The following KMT2C variants were observed in gnomAD, a reference collection of about 807,000 sequenced individuals.
The protein encoded by KMT2C is histone-lysine N-methyltransferase 2C.
Under a neutral mutation model 507.9 loss-of-function variants are expected in KMT2C, and 88 were observed. That is an observed-to-expected ratio of 0.17 (90% CI 0.15 to 0.21). The LOEUF is 0.21. Ranked by LOEUF, KMT2C falls within the 10% of genes least tolerant of loss-of-function variation. KMT2C has a pLI of 1.00. For missense variants in KMT2C, 4,954 were observed against 5,957.8 expected (o/e 0.83, Z 5.55); for synonymous variants, 2,049 against 2,080.8 (o/e 0.98, Z 0.42).
At chr7:152,339,497 G>T (rs537986951) in intron 2 of KMT2C, among the ~76,000 whole-genome samples, 1 of 152,300 alleles carries the variant, frequency 6.6e-6, no homozygotes, top group East Asian at 1.9e-4. Flanking sequence ...GAATTAAAAA[G>T]ATGTTATAAG....
chr7:152,398,891 A>T (rs1212159005), intron 1 of KMT2C, among the ~76,000 whole-genome samples: 12 of 152,138 alleles, frequency 7.9e-5, no homozygotes, highest in Admixed American at 1.3e-4. Flanking sequence ...GCAACAGCAC[A>T]ATCTTGACTC....
At position 152,250,880 on chromosome 7, in the gene KMT2C, C is replaced by G. The variant is rs1205516959; in HGVS notation, c.1708G>C (p.Glu570Gln). 6.2e-7 allele frequency: 1 copy of G among 1,604,448 alleles called. No individual in the cohort carries two copies. Among genetic ancestry groups the G allele is most frequent in the Admixed American group, 1.7e-5 (1 of 59,926 alleles). Residue 570 changes from glutamate (E) to glutamine (Q), a missense_variant, in exon 12 of 59, where the codon GAG becomes CAG. By Grantham distance (29) the Glu-to-Gln change is conservative. Transcript: ENST00000262189. ...QAANKDVNGQ[E>Q]STPGIVPDAV... ...TCTGGAACAATTCCAGGAGTGGACT[C>G]CTGACCGTTGACATCTTTATTAGCT...
chr7:152,163,600 G>C lies in KMT2C; in HGVS notation c.9977C>G (p.Pro3326Arg). The change falls in exon 43 of 59, where the codon CCT (proline) becomes CGT (arginine). Residue 3326 changes from proline to arginine, a missense_variant. Physicochemically the swap from Pro to Arg is moderately radical, Grantham distance 103. This residue lies in a region of KMT2C where 801 missense variants were observed against 751.2 expected (regional missense o/e 1.07). Transcript: ENST00000262189. The stretch of plus-strand genomic sequence containing the variant: ...TCCAGGTAAACTGGGCATTCTAACA[G>C]GGCTAGTATGGCCAGAAATAACTGT... ...HTTVISGHTS[P>R]VRMPSLPGWQ... The C allele has an allele frequency of 6.2e-7, 1 of 1,606,058 alleles. No homozygotes were observed. The highest frequency in any genetic ancestry group is 8.5e-7 in the Non-Finnish European group (1 of 1,175,328).
chr7:152,255,136 T>TACAC (rs1215882463), intron 9 of KMT2C, among the ~76,000 whole-genome samples: 4 of 124,114 alleles, frequency 3.2e-5, no homozygotes, highest in African/African-American at 1.4e-4. Context: ...TATATATATA[T>TACAC]ATATATATAC....
At chr7:152,320,810 A>G (rs1433809613) in intron 3 of KMT2C, among the ~76,000 whole-genome samples, 1 of 152,060 alleles carries the variant, frequency 6.6e-6, no homozygotes, top group East Asian at 1.9e-4. Context: ...GTATATTAAA[A>G]TATTTCAAGA....
In KMT2C at chr7:152,163,174, G is replaced by C. The variant is rs565114967; in HGVS notation, c.10403C>G (p.Pro3468Arg). The change falls in exon 43 of 59, where the codon CCC becomes CGC. Residue 3468 changes from proline (P) to arginine (R), a missense_variant. Pro to Arg is a moderately radical substitution (Grantham distance 103). Around this residue, in one of 29 missense-constraint regions of KMT2C, gnomAD observed 801 missense variants for 751.2 expected, o/e 1.07. Transcript: ENST00000262189. ...TTGGTGTTGTGGAGACTGCTGAAGG[G>C]GTCCTAGAGGTTGCATAAAATCACA... ...LPCDFMQPLG[P>R]LQQSPQHQQQ... The C allele has an allele frequency of 3.1e-6, 5 of 1,614,030 alleles. No homozygotes were observed. The African/African-American group carries it at 6.7e-5, about 22-fold the overall frequency.
chr7:152,163,749 G>C lies in KMT2C; in HGVS notation c.9828C>G (p.Ala3276=). The part of the protein sequence containing the change: ...RIKQQQQCAM[A]PPTMMPSVQP... The stretch of plus-strand genomic sequence containing the variant: ...GGACACTGGGCATCATGGTAGGTGG[G>C]GCCATTGCACATTGCTGCTGCTGTT... The change falls in exon 43 of 59, where the codon GCC becomes GCG. Residue 3276 remains alanine (A), a synonymous_variant. Transcript: ENST00000262189. 6.2e-7 allele frequency: 1 copy of C among 1,614,158 alleles called. No individual in the cohort carries two copies. Among genetic ancestry groups the C allele is most frequent in the South Asian group, 1.1e-5 (1 of 91,086 alleles).
At chr7:152,344,700 A>G (rs979644161) in intron 2 of KMT2C, among the ~76,000 whole-genome samples, 8 of 152,156 alleles carry the variant, frequency 5.3e-5, no homozygotes, top group African/African-American at 1.9e-4. Context: ...AAAACCACAA[A>G]AGGCAGGCTG....
intron 26 of KMT2C, among the ~76,000 whole-genome samples, chr7:152,201,617 G>GGAAAAAA (rs1491277955): frequency 1.7e-4 from 4 of 22,872 alleles, no homozygotes; most frequent in African/African-American, 2.5e-4. Context: ...CAACAAAGAT[G>GGAAAAAA]AAAAAAAAAA....
chr7:152,337,068 T>G (rs1477851861), intron 2 of KMT2C, among the ~76,000 whole-genome samples: 1 of 152,104 alleles, frequency 6.6e-6, no homozygotes, highest in East Asian at 1.9e-4. Flanking sequence ...GAGGATCACT[T>G]AAGCCCAGAA....
chr7:152,151,545 G>T lies in KMT2C; in HGVS notation c.12563C>A (p.Ala4188Glu). 1 of 1,614,042 alleles carries T rather than the reference G, an allele frequency of 6.2e-7. No individual in the cohort carries two copies. Among genetic ancestry groups the T allele is most frequent in the Non-Finnish European group, 8.5e-7 (1 of 1,179,928 alleles). The change falls in exon 50 of 59, where the codon GCA (alanine) becomes GAA (glutamate). Residue 4188 changes from alanine to glutamate, a missense_variant. By Grantham distance (107) the Ala-to-Glu change is moderately radical (BLOSUM62 -1). Transcript: ENST00000262189. ...CTGTGGTCTGAGTGCTGCGCTTTCT[G>T]CAATACCATGACTAGAATCCTTATA... is the stretch of plus-strand genomic sequence containing the variant. ...SGYKDSSHGI[A>E]ESAALRPQWC... is the part of the protein sequence containing the mutation.
At chr7:152,187,199 A>C in intron 33 of KMT2C, 63 bp downstream of exon 33, 1 of 1,379,138 alleles carries the variant, frequency 7.3e-7, no homozygotes, top group Non-Finnish European at 1.0e-6. Flanking sequence ...GCAGTTAAAA[A>C]AAAAAAAGGT....
Position 152,163,542 on chromosome 7 carries a change from G to C in KMT2C, c.10035C>G (p.Pro3345=). The change falls in exon 43 of 59, where the codon CCC becomes CCG. Residue 3345 remains proline (P), a synonymous_variant. Transcript: ENST00000262189. The stretch of plus-strand genomic sequence containing the variant: ...GGGGCTGAATTCTAGGAGGATTGAG[G>C]GGCAGGTGGGCAGGAGCACTGTTGG... ...WQPNSAPAHL[P]LNPPRIQPPI... 2 of 1,610,444 alleles carry C rather than the reference G, an allele frequency of 1.2e-6. No individual in the cohort carries two copies. Among genetic ancestry groups the C allele is most frequent in the Non-Finnish European group, 1.7e-6 (2 of 1,177,660 alleles).
chr7:152,297,057 G>GAAAGAAAGAAAGAAAGAAAGAC (rs756980169), intron 6 of KMT2C, among the ~76,000 whole-genome samples: 129 of 90,662 alleles, frequency 1.4e-3, no homozygotes, highest in Admixed American at 2.2e-3. Context: ...AAGAAAGACA[G>GAAAGAAAGAAAGAAAGAAAGAC]AGAGAGAGAG....
chr7:152,204,097 C>A (rs1421018847), intron 25 of KMT2C, among the ~76,000 whole-genome samples: 1 of 151,606 alleles, frequency 6.6e-6, no homozygotes, highest in African/African-American at 2.4e-5. Flanking sequence ...TCACACAAAC[C>A]ATCACTTGCC....
intron 23 of KMT2C, among the ~76,000 whole-genome samples, chr7:152,209,557 C>CATTT (rs2129139863): frequency 6.6e-6 from 1 of 150,426 alleles, no homozygotes; most frequent in African/African-American, 2.4e-5. Context: ...AAAAAACACA[C>CATTT]TGAAATAATC....
chr7:152,135,823 C>T lies in KMT2C; in HGVS notation c.*1009G>A, dbSNP rs1391963097. On this transcript the variant is annotated 3_prime_UTR_variant, in exon 59 of 59. Coordinates refer to ENST00000262189, the MANE Select transcript of KMT2C (RefSeq NM_170606.3). The stretch of plus-strand genomic sequence containing the variant: ...TAAAAGTTGTAGTCGTAGCATACGC[C>T]CCGCTCTGTCAGAAGTAAGGTGTAT... 11 of 230,764 alleles carry T rather than the reference C, an allele frequency of 4.8e-5. No homozygotes were observed. Among genetic ancestry groups the T allele is most frequent in the Non-Finnish European group, 6.0e-5 (7 of 116,414 alleles). 14.3% of individuals were successfully genotyped at this position (230,764 alleles called of 1,614,324 possible). A position where few individuals can be genotyped will look rare whatever the true frequency, so the allele number is the denominator to read the frequency against.
rs181496359 is a variant in KMT2C at position 152,429,921 on chromosome 7, A to T, written c.161+5705T>A. The stretch of plus-strand genomic sequence containing the variant: ...GCCGGGCGTGGTGGCTCACGTCTGT[A>T]ATCCCAGCACTTTGGGAGTGCCGAG... On this transcript the variant is annotated intron_variant, in intron 1 of 58. Transcript: ENST00000262189. Among the ~76,000 whole-genome samples the T allele has an allele frequency of 3.3e-5, 5 of 152,132 alleles. No homozygotes were observed. The East Asian group carries it at 7.8e-4, about 24-fold the overall frequency.
At chr7:152,354,286 T>C (rs2097135850) in intron 2 of KMT2C, among the ~76,000 whole-genome samples, 2 of 152,332 alleles carry the variant, frequency 1.3e-5, no homozygotes, top group South Asian at 4.1e-4. Context: ...GAATTTAGTT[T>C]TGTTGTAATG....
Sources: allele counts gnomAD v4.1 joint callset (sites outside exome capture counted in the v4.1 genomes callset), GRCh38; gene constraint gnomAD v4.1.1; regional missense constraint gnomAD v4.1.1; transcripts MANE v1.5; gene names NCBI Gene and HGNC (gene_info 2026-07-23, HGNC 2026-07-21).